ELOVL5: variants seen among roughly 807,000 people sequenced by gnomAD.
The protein encoded by ELOVL5 is ELOVL fatty acid elongase 5, also known as very long chain fatty acid elongase 5.
Under a neutral mutation model 38.6 loss-of-function variants are expected in ELOVL5, and 8 were observed. That is an observed-to-expected ratio of 0.21 (90% CI 0.12 to 0.37). The LOEUF is 0.37. Ranked by LOEUF, ELOVL5 falls within the 10% of genes least tolerant of loss-of-function variation. The pLI, the probability that ELOVL5 is intolerant of heterozygous loss-of-function variation, is 1.00. For missense variants in ELOVL5, 280 were observed against 367.8 expected, an observed-to-expected ratio of 0.76 and a Z score of 1.95; for synonymous variants, 127 against 133.7, an observed-to-expected ratio of 0.95 and a Z score of 0.34.
In ELOVL5 at chr6:53,328,844, T is replaced by C. The variant is rs189119442; in HGVS notation, c.-9+19973A>G. 2.0e-5 allele frequency among the ~76,000 whole-genome samples: 3 copies of C among 152,372 alleles called. No individual in the cohort carries two copies. The East Asian group carries it at 5.8e-4, about 29-fold the overall frequency. ...TCTCTTCGTTTACTCCTTGTTGTTT[T>C]GGGTTTTTACTTTAAAAACTGACCA... On this transcript the variant is annotated intron_variant, in intron 1 of 7. Coordinates refer to ENST00000304434, the MANE Select transcript of ELOVL5 (RefSeq NM_021814.5).
chr6:53,271,726 C>T (rs1017552463), intron 6 of ELOVL5, among the ~76,000 whole-genome samples: 5 of 152,132 alleles, frequency 3.3e-5, no homozygotes, highest in African/African-American at 9.7e-5. Context: ...CCCGAGTGAC[C>T]GGGACTCCAA....
chr6:53,272,907 A>C (rs1765976574), intron 6 of ELOVL5, among the ~76,000 whole-genome samples: 1 of 132,766 alleles, frequency 7.5e-6, no homozygotes, highest in Non-Finnish European at 1.6e-5. Context: ...ATAATTAGAA[A>C]ACACACACAC....
chr6:53,289,607 C>A (rs1435380178), intron 3 of ELOVL5, among the ~76,000 whole-genome samples: 1 of 152,148 alleles, frequency 6.6e-6, no homozygotes, highest in Non-Finnish European at 1.5e-5. Flanking sequence ...GTAGTTCCAG[C>A]TACTAGGGAG....
At chr6:53,304,833 C>T (rs1290586499) in intron 1 of ELOVL5, among the ~76,000 whole-genome samples, 4 of 128,770 alleles carry the variant, frequency 3.1e-5, no homozygotes, top group Non-Finnish European at 6.5e-5. Flanking sequence ...CTTCTTTCTA[C>T]ACAGCACAGC....
chr6:53,346,166 G>C (rs2127596568), intron 1 of ELOVL5, among the ~76,000 whole-genome samples: 1 of 152,260 alleles, frequency 6.6e-6, no homozygotes, highest in African/African-American at 2.4e-5. Flanking sequence ...GCAGTGTTTG[G>C]TTTTCTGTTC....
intron 1 of ELOVL5, among the ~76,000 whole-genome samples, chr6:53,310,824 T>C (rs551953905): frequency 1.2e-4 from 19 of 152,266 alleles, no homozygotes; most frequent in African/African-American, 4.3e-4. Context: ...AACTGTTACC[T>C]ACTAAAAAGA....
At chr6:53,287,851 A>C (rs1342309995) in intron 3 of ELOVL5, 3 of 1,535,202 alleles carry the variant, frequency 2.0e-6, no homozygotes. Context: ...TGTGCACTGC[A>C]CAACACTGAC....
chr6:53,298,077 C>G (rs192142232), intron 1 of ELOVL5, among the ~76,000 whole-genome samples: 8 of 152,288 alleles, frequency 5.3e-5, no homozygotes, highest in Admixed American at 4.6e-4. Flanking sequence ...TACTGAAAAT[C>G]ATCTAGAAAA....
intron 3 of ELOVL5, among the ~76,000 whole-genome samples, chr6:53,280,712 C>G (rs1766317440): frequency 6.6e-6 from 1 of 152,184 alleles, no homozygotes; most frequent in African/African-American, 2.4e-5. Flanking sequence ...CCTACCTCAG[C>G]CTCCCAAGTA....
chr6:53,337,381 A>AT (rs1769120149), intron 1 of ELOVL5: 1 of 152,254 alleles, frequency 6.6e-6, no homozygotes, highest in Non-Finnish European at 1.5e-5. Flanking sequence ...CTCCAGGCAT[A>AT]GGTAAGAGCT....
chr6:53,331,561 T>A lies in ELOVL5; in HGVS notation c.-9+17256A>T, dbSNP rs1768803532. Among the ~76,000 whole-genome samples the A allele has an allele frequency of 2.0e-5, 3 of 152,286 alleles. No individual in the cohort carries two copies. The South Asian group carries it at 6.2e-4, about 32-fold the overall frequency. On this transcript the variant is annotated intron_variant, in intron 1 of 7. Coordinates refer to ENST00000304434, the MANE Select transcript of ELOVL5 (RefSeq NM_021814.5). The stretch of plus-strand genomic sequence containing the variant: ...CTACTTCACCAGGCAAGAGGAATTT[T>A]TCAGTTCCATTATAATCTTATGGGA...
At chr6:53,301,332 T>C (rs1767240346) in intron 1 of ELOVL5, among the ~76,000 whole-genome samples, 2 of 152,114 alleles carry the variant, frequency 1.3e-5, no homozygotes, top group Non-Finnish European at 2.9e-5. Flanking sequence ...AGCTGCTCTG[T>C]ACAATTGTAC....
rs146708366 is a variant in ELOVL5, at chr6:53,268,548, C to T, written c.*579G>A. ...GCCAATAGTACAAAACTGAAGGTGC[C>T]GTGTCTGATTTCACATCAACAAGTC... On this transcript the variant is annotated 3_prime_UTR_variant, in exon 8 of 8. Transcript: ENST00000304434. The T allele has an allele frequency of 3.3e-5, 5 of 150,354 alleles. No individual in the cohort carries two copies. In the East Asian group the frequency reaches 5.8e-4, roughly 17 times the overall value. 9.3% of individuals were successfully genotyped at this position (150,354 alleles called of 1,614,324 possible). A position where few individuals can be genotyped will look rare whatever the true frequency, so the allele number is the denominator to read the frequency against.
At chr6:53,291,494 G>T (rs1281112124) in intron 3 of ELOVL5, among the ~76,000 whole-genome samples, 2 of 152,064 alleles carry the variant, frequency 1.3e-5, no homozygotes, top group Non-Finnish European at 2.9e-5. Flanking sequence ...TTGCATGAGA[G>T]TATTTCTGAA....
At chr6:53,311,214 G>A (rs1229960815) in intron 1 of ELOVL5, among the ~76,000 whole-genome samples, 2 of 152,158 alleles carry the variant, frequency 1.3e-5, no homozygotes, top group Admixed American at 1.3e-4. Context: ...CAGCGCTCCT[G>A]TGGCTGTCCT....
intron 1 of ELOVL5, among the ~76,000 whole-genome samples, chr6:53,317,247 T>C (rs1365936137): frequency 6.6e-6 from 1 of 152,198 alleles, no homozygotes; most frequent in Non-Finnish European, 1.5e-5. Flanking sequence ...TCCAAAGTGA[T>C]TTCTCTCATC....
At chr6:53,274,703 G>C (rs1276899569) in intron 5 of ELOVL5, among the ~76,000 whole-genome samples, 2 of 152,176 alleles carry the variant, frequency 1.3e-5, no homozygotes, top group African/African-American at 4.8e-5. Context: ...AGCTAAAGCT[G>C]TATTTCAAAA....
At chr6:53,316,929 T>C (rs2397141) in intron 1 of ELOVL5, among the ~76,000 whole-genome samples, 5,228 of 152,304 alleles carry the variant, frequency 0.034, 153 homozygotes, top group Non-Finnish European at 0.056. Context: ...AGGCATGTCA[T>C]ATAGTTTGAA....
intron 1 of ELOVL5, among the ~76,000 whole-genome samples, chr6:53,325,777 T>C (rs1412777365): frequency 6.6e-6 from 1 of 152,192 alleles, no homozygotes; most frequent in Admixed American, 6.5e-5. Flanking sequence ...CTGGGAAGAA[T>C]TGTGACACTT....
Sources: gnomAD v4.1 joint callset for allele counts (sites outside exome capture counted in the v4.1 genomes callset) on GRCh38, gnomAD v4.1.1 for gene constraint, MANE v1.5 for transcripts, NCBI Gene and HGNC (gene_info 2026-07-23, HGNC 2026-07-21) for gene names.